ZNF585B: variants seen among roughly 807,000 people sequenced by gnomAD.
The protein encoded by ZNF585B is zinc finger protein 585B, also known as zinc finger protein 41-like protein.
Under a neutral mutation model 14.0 loss-of-function variants are expected in ZNF585B, and 7 were observed. That is an observed-to-expected ratio of 0.50 (90% confidence interval 0.28 to 0.94). ZNF585B has a LOEUF of 0.94. ZNF585B is among the 40% of genes least tolerant of loss of function. The pLI, the probability that ZNF585B is intolerant of heterozygous loss-of-function variation, is 0.09. For missense variants in ZNF585B, 750 were observed against 924.4 expected (o/e 0.81, Z 2.45); for synonymous variants, 290 against 317.3 (o/e 0.91, Z 0.91).
chr19:37,210,397 ACTC>A (rs1471907320), intron 1 of ZNF585B, 41 bp downstream of exon 1: 1 of 152,064 alleles, frequency 6.6e-6, no homozygotes, highest in African/African-American at 2.4e-5. Flanking sequence ...TCCACAGACA[ACTC>A]CTCTATTACT....
intron 2 of ZNF585B, among the ~76,000 whole-genome samples, chr19:37,203,479 CAAAAAA>C (rs35565550): frequency 8.7e-6 from 1 of 114,882 alleles, no homozygotes; most frequent in Non-Finnish European, 1.7e-5. Context: ...GATCTTGTCA[CAAAAAA>C]AAAAAAAAAA....
At position 37,185,942 on chromosome 19, in the gene ZNF585B, G is replaced by C; in HGVS notation, c.1595C>G (p.Thr532Ser). ...ATGTATATTAAGATTTGACTTCTGA[G>C]TAAAGGCTTTTCCACAAGTATTGCA... ...YECNTCGKAF[T>S]QKSNLNIHQK... The change falls in exon 5 of 5, where the codon ACT (threonine) becomes AGT (serine). Residue 532 changes from threonine (T) to serine (S), a missense_variant. Physicochemically the swap from Thr to Ser is moderately conservative, Grantham distance 58. Around this residue, in one of 2 missense-constraint regions of ZNF585B, gnomAD observed 233 missense variants for 354.1 expected, o/e 0.66. Coordinates refer to ENST00000532828, the MANE Select transcript of ZNF585B (RefSeq NM_152279.4). The C allele has an allele frequency of 6.2e-7, 1 of 1,614,088 alleles. No homozygotes were observed. The highest frequency in any genetic ancestry group is 8.5e-7 in the Non-Finnish European group (1 of 1,180,032).
chr19:37,207,881 G>C (rs1457485161), intron 1 of ZNF585B, among the ~76,000 whole-genome samples: 1 of 152,166 alleles, frequency 6.6e-6, no homozygotes, highest in Non-Finnish European at 1.5e-5. Flanking sequence ...ATGCGATTGA[G>C]TGTGCACACG....
In ZNF585B at chr19:37,190,128, A is replaced by T. The variant is rs1253058028; in HGVS notation, c.95T>A (p.Val32Glu). ...TTCCTCTCTGCTGAAATCGATAGCC[A>T]CATCCCTGAAGGACACTGATCCCTG... ...SYEGSVSFRD[V>E]AIDFSREEWR... The change falls in exon 3 of 5, where the codon GTG becomes GAG. Residue 32 changes from valine to glutamate, a missense_variant. Around this residue, in one of 2 missense-constraint regions of ZNF585B, gnomAD observed 517 missense variants for 570.3 expected, o/e 0.91. Coordinates refer to ENST00000532828, the MANE Select transcript of ZNF585B (RefSeq NM_152279.4). The T allele has an allele frequency of 2.5e-6, 4 of 1,614,198 alleles. No homozygotes were observed. The South Asian group carries it at 4.4e-5, about 18-fold the overall frequency.
In ZNF585B at chr19:37,182,495, T is replaced by A. The variant is rs1197187531; in HGVS notation, c.*2732A>T. On this transcript the variant is annotated 3_prime_UTR_variant, in exon 5 of 5. Transcript: ENST00000532828. Reference sequence around the variant, plus strand: ...AATAGTGAAGCTTCAGATACAGTGCTGGATGAGGTGAAGGGAGGTAATGGG... The same window carrying A: ...AATAGTGAAGCTTCAGATACAGTGCAGGATGAGGTGAAGGGAGGTAATGGG... 3 of 152,232 alleles carry A rather than the reference T, an allele frequency of 2.0e-5. No homozygotes were observed. The highest frequency in any genetic ancestry group is 4.4e-5 in the Non-Finnish European group (3 of 68,056). The allele number at this position is 152,232 out of a possible 1,614,324, so 9.4% of individuals were successfully genotyped here. A position where few individuals can be genotyped will look rare whatever the true frequency, so the allele number is the denominator to read the frequency against.
chr19:37,192,816 A>T (rs566293073), intron 2 of ZNF585B, among the ~76,000 whole-genome samples: 1 of 150,996 alleles, frequency 6.6e-6, no homozygotes, highest in Admixed American at 6.6e-5. Flanking sequence ...TCTCAAAAAT[A>T]AATAAACAAA....
At chr19:37,200,754 G>T (rs1972522903) in intron 2 of ZNF585B, among the ~76,000 whole-genome samples, 1 of 151,580 alleles carries the variant, frequency 6.6e-6, no homozygotes, top group Admixed American at 6.6e-5. Flanking sequence ...TAAAGATTGG[G>T]TTAAAGAAGG....
intron 2 of ZNF585B, among the ~76,000 whole-genome samples, chr19:37,191,597 G>A (rs911557131): frequency 8.0e-5 from 12 of 150,156 alleles, no homozygotes; most frequent in Admixed American, 2.7e-4. Flanking sequence ...CAGCCTGAGC[G>A]ACAGAGGGAG....
At position 37,184,486 on chromosome 19, in the gene ZNF585B, A is replaced by AAG. The variant is rs1199153799; in HGVS notation, c.*739_*740dup. The AAG allele has an allele frequency of 8.3e-6, 1 of 120,410 alleles. No individual in the cohort carries two copies. Among genetic ancestry groups the AAG allele is most frequent in the African/African-American group, 3.4e-5 (1 of 29,106 alleles). The allele number at this position is 120,410 out of a possible 1,614,324, so 7.5% of individuals were successfully genotyped here. On this transcript the variant is annotated 3_prime_UTR_variant, in exon 5 of 5. Transcript: ENST00000532828. ...AAAGAAAGAAAGAAAGAAAGAAAGA[A>AAG]AGAAAGAAAGAAAGAAAGAGAAAGA...
At chr19:37,203,505 A>G (rs1032247352) in intron 2 of ZNF585B, among the ~76,000 whole-genome samples, 5 of 148,596 alleles carry the variant, frequency 3.4e-5, no homozygotes, top group African/African-American at 9.9e-5. Context: ...AAAAAGTAGT[A>G]CTTTATTGAA....
chr19:37,195,750 G>T (rs903886720), intron 2 of ZNF585B: 3 of 151,358 alleles, frequency 2.0e-5, no homozygotes, highest in Non-Finnish European at 4.4e-5. Flanking sequence ...GTCTTGGCCG[G>T]GTGTGGTGGC....
intron 2 of ZNF585B, chr19:37,199,465 C>T (rs1161239429): frequency 4.4e-6 from 2 of 453,926 alleles, no homozygotes; most frequent in Non-Finnish European, 8.9e-6. Flanking sequence ...GTCCAGGCTA[C>T]AGTGAGCCGT....
rs1972320908 is a variant in ZNF585B at position 37,185,374 on chromosome 19, A to G, written c.2163T>C (p.Ala721=). The change falls in exon 5 of 5, where the codon GCT becomes GCC. Residue 721 remains alanine (A), a synonymous_variant. Transcript: ENST00000532828. Reference sequence around the variant, plus strand: ...TGTTGCTAAAGGCCTTCCCACACTCAGCACACACGTAAGGCTTCTCTCCAG... The same window carrying G: ...TGTTGCTAAAGGCCTTCCCACACTCGGCACACACGTAAGGCTTCTCTCCAG... ...IHTGEKPYVC[A]ECGKAFSNRS... The G allele has an allele frequency of 6.2e-7, 1 of 1,614,110 alleles. No individual in the cohort carries two copies. Among genetic ancestry groups the G allele is most frequent in the Non-Finnish European group, 8.5e-7 (1 of 1,180,026 alleles).
At chr19:37,194,685 T>C (rs978672434) in intron 2 of ZNF585B, among the ~76,000 whole-genome samples, 105 of 152,248 alleles carry the variant, frequency 6.9e-4, no homozygotes, top group African/African-American at 2.5e-3. Flanking sequence ...TTTATCAAAA[T>C]ACTAGACAGG....
At chr19:37,207,386 T>C (rs1216181255) in intron 1 of ZNF585B, 132 bp from the exon 2 acceptor site, 6 of 526,306 alleles carry the variant, frequency 1.1e-5, no homozygotes, top group Non-Finnish European at 1.8e-5. Context: ...TCAAGTCACC[T>C]GGAGGGCTTG....
Position 37,189,914 on chromosome 19 carries a change from A to T in ZNF585B, c.199+110T>A. 3.2e-6 allele frequency: 5 copies of T among 1,562,828 alleles called. No individual in the cohort carries two copies. The South Asian group carries it at 6.1e-5, about 19-fold the overall frequency. On this transcript the variant is annotated intron_variant, in intron 3 of 4. Transcript: ENST00000532828. Reference sequence around the variant, plus strand: ...CTAAACAAACAGAGAACCCTGGAGGAAAAAAGGACAAAACCATCACCTATC... The same window carrying T: ...CTAAACAAACAGAGAACCCTGGAGGTAAAAAGGACAAAACCATCACCTATC...
In ZNF585B at chr19:37,207,159, G is replaced by GT; in HGVS notation, c.-49dup. The GT allele has an allele frequency of 6.2e-7, 1 of 1,612,142 alleles. No individual in the cohort carries two copies. Among genetic ancestry groups the GT allele is most frequent in the Non-Finnish European group, 8.5e-7 (1 of 1,179,692 alleles). ...TTTTGTCTAGGGTGCCTGAAGTTTA[G>GT]TGGTCATCTGTGAACTCAGCAGAGC... is the stretch of plus-strand genomic sequence containing the variant. On this transcript the variant is annotated 5_prime_UTR_variant, in exon 2 of 5. The change creates a premature stop within an existing upstream ORF in the 5' untranslated region. Transcript: ENST00000532828.
At position 37,207,072 on chromosome 19, in the gene ZNF585B, G is replaced by C. The variant is rs752341467; in HGVS notation, c.40C>G (p.Leu14Val). The C allele has an allele frequency of 6.2e-7, 1 of 1,614,134 alleles. No homozygotes were observed. The highest frequency in any genetic ancestry group is 8.5e-7 in the Non-Finnish European group (1 of 1,180,024). The part of the protein sequence containing the change: ...SWTSPQKSSA[L>V]APEDHGSSYE... ...GAGCTGCCATGATCCTCTGGAGCCA[G>C]GGCTGAGGATTTCTGGGGTGAGGTC... The change falls in exon 2 of 5, where the codon CTG becomes GTG. Residue 14 changes from leucine to valine, a missense_variant. Around this residue, in one of 2 missense-constraint regions of ZNF585B, gnomAD observed 517 missense variants for 570.3 expected, o/e 0.91. Transcript: ENST00000532828.
chr19:37,193,853 C>T (rs908564863), intron 2 of ZNF585B, among the ~76,000 whole-genome samples: 1 of 152,122 alleles, frequency 6.6e-6, no homozygotes, highest in African/African-American at 2.4e-5. Flanking sequence ...TGGACTTTGG[C>T]CCCTAATTAA....
Sources: gnomAD v4.1 joint callset for allele counts (sites outside exome capture counted in the v4.1 genomes callset) on GRCh38, gnomAD v4.1.1 for gene constraint, gnomAD v4.1.1 regional missense constraint, MANE v1.5 for transcripts, NCBI Gene and HGNC (gene_info 2026-07-23, HGNC 2026-07-21) for gene names.